NRXN1: variants seen among roughly 807,000 people sequenced by gnomAD.
NRXN1 encodes neurexin 1, also known as neurexin-1.
NRXN1 carries 39 observed loss-of-function variants against 150.9 expected under a neutral mutation model. The observed-to-expected ratio is 0.26, with a 90% CI of 0.20 to 0.34. The LOEUF is 0.34. Ranked by LOEUF, NRXN1 falls within the 10% of genes least tolerant of loss-of-function variation. The probability of loss-of-function intolerance (pLI) is 1.00; values close to 1 mark genes in which losing one functional copy is unlikely to be tolerated. For synonymous variants in NRXN1, 924 were observed against 757.0 expected, an observed-to-expected ratio of 1.22 and a Z score of -3.62; for missense variants, 1,815 against 1,949.9, an observed-to-expected ratio of 0.93 and a Z score of 1.30.
intron 18 of NRXN1, among the ~76,000 whole-genome samples, chr2:50,129,443 A>G (rs994727006): frequency 5.3e-5 from 8 of 152,234 alleles, no homozygotes; most frequent in Non-Finnish European, 7.3e-5. Context: ...TGGAAAATAA[A>G]TTGTAGAAAA....
intron 13 of NRXN1, among the ~76,000 whole-genome samples, chr2:50,499,037 C>T (rs1424869792): frequency 1.3e-5 from 2 of 152,128 alleles, no homozygotes; most frequent in African/African-American, 2.4e-5. Context: ...TATGTGTGTC[C>T]CCTTTGGCCA....
intron 5 of NRXN1, among the ~76,000 whole-genome samples, chr2:50,884,343 A>G (rs1679905872): frequency 6.6e-6 from 1 of 151,718 alleles, no homozygotes; most frequent in Non-Finnish European, 1.5e-5. Flanking sequence ...AGCAATTCAA[A>G]TTTTCTTATG....
chr2:50,679,500 C>T (rs1357680669), intron 5 of NRXN1, among the ~76,000 whole-genome samples: 1 of 152,088 alleles, frequency 6.6e-6, no homozygotes, highest in Non-Finnish European at 1.5e-5. Flanking sequence ...CCAAAAATTA[C>T]AAACTTTCCA....
rs999612125 is a variant in NRXN1, at chr2:50,787,431, G to A, written c.832+134438C>T. On this transcript the variant is annotated intron_variant, in intron 5 of 22. Coordinates refer to ENST00000401669, the MANE Select transcript of NRXN1 (RefSeq NM_001330078.2). ...CAATAAATTAGCCAAGCATGTTGGC[G>A]GGCGCCTGTAATCCCAGCTATTCGG... 7.2e-5 allele frequency among the ~76,000 whole-genome samples: 11 copies of A among 151,818 alleles called. No homozygotes were observed. In the South Asian group the frequency reaches 1.0e-3, roughly 14 times the overall value.
intron 17 of NRXN1, among the ~76,000 whole-genome samples, chr2:50,420,030 T>C (rs976624581): frequency 1.3e-5 from 2 of 152,004 alleles, no homozygotes; most frequent in Non-Finnish European, 2.9e-5. Flanking sequence ...ACAGCAGAGA[T>C]AAAGAGGATT....
chr2:50,459,783 C>A (rs2087971551), intron 17 of NRXN1, among the ~76,000 whole-genome samples: 1 of 152,000 alleles, frequency 6.6e-6, no homozygotes, highest in South Asian at 2.1e-4. Context: ...GATTTATCTT[C>A]AGTTTGTTCA....
chr2:50,280,767 A>G (rs1277211225), intron 17 of NRXN1, among the ~76,000 whole-genome samples: 1 of 152,162 alleles, frequency 6.6e-6, no homozygotes. Flanking sequence ...TCCCAAGTCC[A>G]AAGTGGACAT....
chr2:50,583,783 T>C (rs1384873874), intron 8 of NRXN1, among the ~76,000 whole-genome samples: 1 of 152,200 alleles, frequency 6.6e-6, no homozygotes, highest in Non-Finnish European at 1.5e-5. Flanking sequence ...CCTCACCATC[T>C]TCCAACTATC....
At chr2:50,614,793 GA>G (rs1678803357) in intron 8 of NRXN1, among the ~76,000 whole-genome samples, 1 of 137,628 alleles carries the variant, frequency 7.3e-6, no homozygotes, top group South Asian at 2.2e-4. Flanking sequence ...GTCAACCACA[GA>G]AGTGCATAAA....
intron 18 of NRXN1, among the ~76,000 whole-genome samples, chr2:50,207,028 C>A (rs1464408269): frequency 6.6e-6 from 1 of 151,872 alleles, no homozygotes; most frequent in African/African-American, 2.4e-5. Context: ...AGCTGCTCTT[C>A]TAGCACTCTT....
rs867721944 is a variant in NRXN1 at position 50,323,388 on chromosome 2, C to T, written c.3365-86418G>A. ...GAGAACCACTGCTTTCAGAGTGTTT[C>T]ATTTTCAAAAAGTCTGCCTCCCACT... On this transcript the variant is annotated intron_variant, in intron 17 of 22. Transcript: ENST00000401669. 4.6e-5 allele frequency among the ~76,000 whole-genome samples: 7 copies of T among 152,210 alleles called. No homozygotes were observed. In the Middle Eastern group the frequency reaches 0.017, roughly 370 times the overall value.
intron 2 of NRXN1, among the ~76,000 whole-genome samples, chr2:51,024,113 T>G (rs1012932858): frequency 6.6e-6 from 1 of 152,200 alleles, no homozygotes; most frequent in Admixed American, 6.5e-5. Flanking sequence ...ATTCACTAAT[T>G]CTTTCAAGTT....
chr2:49,974,231 A>G, intron 21 of NRXN1: 1 of 682,552 alleles, frequency 1.5e-6, no homozygotes, highest in Non-Finnish European at 2.8e-6. Flanking sequence ...GTCACTGAGG[A>G]GCCAATGGCT....
chr2:50,091,242 GT>G, intron 19 of NRXN1, 80 bp downstream of exon 19: 1 of 1,516,026 alleles, frequency 6.6e-7, no homozygotes, highest in Non-Finnish European at 9.1e-7. Context: ...CCACAATTTG[GT>G]GAAACGGATG....
intron 17 of NRXN1, among the ~76,000 whole-genome samples, chr2:50,251,130 C>T (rs978497364): frequency 1.3e-5 from 2 of 151,694 alleles, no homozygotes; most frequent in African/African-American, 4.8e-5. Flanking sequence ...ATTAGCCCAT[C>T]ACCTAGGTAT....
intron 17 of NRXN1, among the ~76,000 whole-genome samples, chr2:50,263,937 G>A (rs185285952): frequency 3.9e-5 from 6 of 152,216 alleles, no homozygotes; most frequent in East Asian, 1.9e-4. Flanking sequence ...AAGTGACATC[G>A]TGTGAAATCA....
chr2:50,369,445 A>G (rs1290099036), intron 17 of NRXN1, among the ~76,000 whole-genome samples: 1 of 152,016 alleles, frequency 6.6e-6, no homozygotes, highest in Non-Finnish European at 1.5e-5. Flanking sequence ...ATGCCAAATC[A>G]CATGGATTGA....
At position 50,538,374 on chromosome 2, in the gene NRXN1, C is replaced by T. The variant is rs764163609; in HGVS notation, c.2022G>A (p.Lys674=). The T allele has an allele frequency of 6.2e-7, 1 of 1,613,930 alleles. No homozygotes were observed. Among genetic ancestry groups the T allele is most frequent in the Non-Finnish European group, 8.5e-7 (1 of 1,179,868 alleles). Residue 674 remains lysine, a synonymous_variant, in exon 10 of 23, where the codon AAG becomes AAA. Transcript: ENST00000401669. The part of the protein sequence containing the change: ...STAGVKPSCS[K]ETAKPCLSNP... Reference sequence around the variant, plus strand: ...TGCTAAGGCACGGTTTTGCTGTTTCCTTTGAGCAGGAAGGCTTCACTCCAG... The same window carrying T: ...TGCTAAGGCACGGTTTTGCTGTTTCTTTTGAGCAGGAAGGCTTCACTCCAG...
At chr2:50,475,410 C>A (rs936558699) in intron 15 of NRXN1, among the ~76,000 whole-genome samples, 8 of 151,278 alleles carry the variant, frequency 5.3e-5, no homozygotes, top group Admixed American at 1.3e-4. Context: ...AAAGAGGAAA[C>A]AGTAAGGCAA....
Sources: gnomAD v4.1 joint callset for allele counts (sites outside exome capture counted in the v4.1 genomes callset) on GRCh38, gnomAD v4.1.1 for gene constraint, MANE v1.5 for transcripts, NCBI Gene and HGNC (gene_info 2026-07-23, HGNC 2026-07-21) for gene names.